MYLK3: variants seen among roughly 807,000 people sequenced by gnomAD.
MYLK3 encodes the protein myosin light chain kinase 3.
MYLK3 carries 55 observed loss-of-function variants against 76.3 expected under a neutral mutation model. The ratio of observed to expected loss-of-function variants is 0.72; its 90% CI spans 0.58 to 0.90. The LOEUF (loss-of-function observed/expected upper bound fraction) is 0.90, where lower values mean the gene tolerates loss of function less well. Ranked by LOEUF, MYLK3 falls within the 40% of genes least tolerant of loss-of-function variation. MYLK3 has a pLI of 0.00. For synonymous variants in MYLK3, 416 were observed against 425.4 expected (o/e 0.98, Z 0.27); for missense variants, 973 against 1,053.6 (o/e 0.92, Z 1.06).
Position 46,732,306 on chromosome 16 carries a change from T to C in MYLK3, c.1364A>G (p.Asn455Ser). The C allele has an allele frequency of 6.2e-7, 1 of 1,611,062 alleles. No homozygotes were observed. The highest frequency in any genetic ancestry group is 1.7e-5 in the Admixed American group (1 of 60,024). ...LQQGKSPGAG[N>S]PEPEQDCAAR... Reference sequence around the variant, plus strand: ...TGCACAGTCCTGCTCAGGCTCAGGGTTTCCCGCCCCTGGGCTTTTGCCCTG... The same window carrying C: ...TGCACAGTCCTGCTCAGGCTCAGGGCTTCCCGCCCCTGGGCTTTTGCCCTG... The change falls in exon 4 of 13, where the codon AAC (asparagine) becomes AGC (serine). Residue 455 changes from asparagine (N) to serine (S), a missense_variant. Around this residue, in one of 2 missense-constraint regions of MYLK3, gnomAD observed 641 missense variants for 637.0 expected, o/e 1.01. Coordinates refer to ENST00000394809, the MANE Select transcript of MYLK3 (RefSeq NM_182493.3).
intron 9 of MYLK3, among the ~76,000 whole-genome samples, chr16:46,718,361 T>C (rs1005591094): frequency 1.3e-5 from 2 of 152,214 alleles, no homozygotes; most frequent in Non-Finnish European, 2.9e-5. Flanking sequence ...TACAATACAC[T>C]GTGTGATAGA....
chr16:46,725,299 T>A (rs1238231735), intron 8 of MYLK3, among the ~76,000 whole-genome samples: 2 of 152,196 alleles, frequency 1.3e-5, no homozygotes, highest in African/African-American at 2.4e-5. Flanking sequence ...GCCCTAGTGA[T>A]AGCCTCCAGT....
rs201903569 is a variant in MYLK3, at chr16:46,748,091, T to C, written c.103A>G (p.Lys35Glu). Residue 35 changes from lysine to glutamate, a missense_variant, in exon 1 of 13, where the codon AAG becomes GAG. Lys to Glu is a moderately conservative substitution (Grantham distance 56). Around this residue, in one of 2 missense-constraint regions of MYLK3, gnomAD observed 641 missense variants for 637.0 expected, o/e 1.01. Coordinates refer to ENST00000394809, the MANE Select transcript of MYLK3 (RefSeq NM_182493.3). The surrounding 1 kb of genome is among the most constrained non-coding windows in gnomAD (Gnocchi z 4.3). ...TGGAAGTGCAGGAGCTGGTCCACCT[T>C]CTCGTTCAGCATGTTCAGCTTTGTG... Reference protein sequence around the residue: ...MDTKLNMLNEKVDQLLHFQED... With the variant: ...MDTKLNMLNEEVDQLLHFQED... 4.2e-4 allele frequency: 684 copies of C among 1,614,112 alleles called. No homozygotes were observed. Among genetic ancestry groups the C allele is most frequent in the Non-Finnish European group, 5.7e-4 (667 of 1,180,034 alleles).
intron 9 of MYLK3, among the ~76,000 whole-genome samples, chr16:46,719,056 G>A (rs1426196231): frequency 2.6e-5 from 4 of 152,096 alleles, no homozygotes; most frequent in Non-Finnish European, 4.4e-5. Context: ...TCGGCCTGCC[G>A]TGGTGGCTCA....
intron 1 of MYLK3, among the ~76,000 whole-genome samples, chr16:46,761,329 C>T (rs1179565307): frequency 6.6e-6 from 1 of 151,958 alleles, no homozygotes; most frequent in African/African-American, 2.4e-5. Context: ...AGCAGCAAGA[C>T]AGAGGGACAG....
At chr16:46,711,183 C>A (rs1447481911) in intron 10 of MYLK3, among the ~76,000 whole-genome samples, 2 of 152,144 alleles carry the variant, frequency 1.3e-5, no homozygotes, top group Non-Finnish European at 2.9e-5. Flanking sequence ...ACCCAGGCCC[C>A]AAGCCAAAGG....
At chr16:46,761,126 G>A (rs777667601) in intron 1 of MYLK3, among the ~76,000 whole-genome samples, 2 of 152,142 alleles carry the variant, frequency 1.3e-5, no homozygotes, top group Non-Finnish European at 2.9e-5. Flanking sequence ...CTTGAATGAT[G>A]GGCAAGACTT....
chr16:46,756,854 C>A (rs569499091), intron 1 of MYLK3, among the ~76,000 whole-genome samples: 1 of 152,274 alleles, frequency 6.6e-6, no homozygotes, highest in South Asian at 2.1e-4. Context: ...GGTAAGTCCA[C>A]GAAAATGGCA....
intron 5 of MYLK3, chr16:46,729,910 C>G: frequency 1.7e-6 from 1 of 596,412 alleles, no homozygotes; most frequent in Non-Finnish European, 3.0e-6. Context: ...AGGGAACATC[C>G]CCTCATCCCT....
intron 3 of MYLK3, among the ~76,000 whole-genome samples, chr16:46,736,917 A>G (rs1966871083): frequency 6.6e-6 from 1 of 152,146 alleles, no homozygotes; most frequent in Non-Finnish European, 1.5e-5. Flanking sequence ...TGCTACAGAC[A>G]TCTGCCTGCC....
At chr16:46,760,192 C>T (rs1304197582) in intron 1 of MYLK3, among the ~76,000 whole-genome samples, 1 of 152,194 alleles carries the variant, frequency 6.6e-6, no homozygotes, top group African/African-American at 2.4e-5. Flanking sequence ...GGAGAGTCCG[C>T]ACGAAGCTGG....
In MYLK3 at chr16:46,737,947, G is replaced by C; in HGVS notation, c.765C>G (p.Ser255Arg). Residue 255 changes from serine (S) to arginine (R), a missense_variant, in exon 3 of 13, where the codon AGC becomes AGG. Physicochemically the swap from Ser to Arg is moderately radical, Grantham distance 110 (BLOSUM62 -1). Coordinates refer to ENST00000394809, the MANE Select transcript of MYLK3 (RefSeq NM_182493.3). ...ATTCCAGGCCAGTCCTGAGGTTCTC[G>C]CTGGGTGTCTCAGGAGCCTTGGCTT... ...KVEAKAPETPSENLRTGLELA... is the reference protein window; with the variant it reads ...KVEAKAPETPRENLRTGLELA... 1.9e-6 allele frequency: 3 copies of C among 1,614,168 alleles called. No individual in the cohort carries two copies. The highest frequency in any genetic ancestry group is 2.5e-6 in the Non-Finnish European group (3 of 1,180,032).
chr16:46,750,228 A>G (rs1197474362), upstream of MYLK3, among the ~76,000 whole-genome samples: 1 of 152,184 alleles, frequency 6.6e-6, no homozygotes, highest in East Asian at 1.9e-4. Context: ...AAGTCTCAGA[A>G]GTCTAACACA....
chr16:46,729,620 T>C lies in MYLK3; in HGVS notation c.1636A>G (p.Ile546Val), dbSNP rs1966848494. The change falls in exon 6 of 13, where the codon ATC becomes GTC. Residue 546 changes from isoleucine to valine, a missense_variant. This residue lies in a region of MYLK3 where 332 missense variants were observed against 416.6 expected (regional missense o/e 0.80). Coordinates refer to ENST00000394809, the MANE Select transcript of MYLK3 (RefSeq NM_182493.3). The stretch of plus-strand genomic sequence containing the variant: ...CGGTCCTTGGCGCTCTTCACTTTGA[T>C]GATCTTGGCAGCCAGTGGGAGGCCT... ...STGLPLAAKI[I>V]KVKSAKDRED... 6.2e-7 allele frequency: 1 copy of C among 1,613,388 alleles called. No homozygotes were observed. Among genetic ancestry groups the C allele is most frequent in the African/African-American group, 1.3e-5 (1 of 74,840 alleles).
intron 3 of MYLK3, among the ~76,000 whole-genome samples, chr16:46,736,308 G>A (rs992838794): frequency 8.5e-5 from 13 of 152,132 alleles, no homozygotes; most frequent in African/African-American, 1.9e-4. Context: ...CACAGTGCCC[G>A]GCAGGATCCT....
In MYLK3 at chr16:46,732,395, G is replaced by T. The variant is rs1966854280; in HGVS notation, c.1275C>A (p.Gly425=). 6.2e-7 allele frequency: 1 copy of T among 1,613,582 alleles called. No homozygotes were observed. The highest frequency in any genetic ancestry group is 8.5e-7 in the Non-Finnish European group (1 of 1,180,010). ...CACTCCTGGCCAAGCTTGGTCTCGT[G>T]CCAGGCTCGGCCCCAGCCCTTTGCT... ...EEEQRAGAEP[G]TRPSLARSDD... is the part of the protein sequence containing the mutation. Residue 425 remains glycine, a synonymous_variant, in exon 4 of 13, where the codon GGC becomes GGA. Coordinates refer to ENST00000394809, the MANE Select transcript of MYLK3 (RefSeq NM_182493.3).
At chr16:46,739,994 G>T in intron 2 of MYLK3, 63 bp downstream of exon 2, 1 of 1,171,464 alleles carries the variant, frequency 8.5e-7, no homozygotes, top group Non-Finnish European at 1.3e-6. Context: ...CGTGTTGTTG[G>T]GGCCTTTATT....
chr16:46,732,639 G>C lies in MYLK3; in HGVS notation c.1031C>G (p.Thr344Ser). 1 of 1,546,492 alleles carries C rather than the reference G, an allele frequency of 6.5e-7. No homozygotes were observed. The highest frequency in any genetic ancestry group is 8.7e-7 in the Non-Finnish European group (1 of 1,153,186). ...RISIHIQEMD[T>S]PGEMLMTGRG... ...GCCTGTCATCAGCATCTCCCCAGGA[G>C]TATCCATCTCTTGTATGTGGATGGA... is the stretch of plus-strand genomic sequence containing the variant. Residue 344 changes from threonine (T) to serine (S), a missense_variant, in exon 4 of 13, where the codon ACT (threonine) becomes AGT (serine). Thr to Ser is a moderately conservative substitution (Grantham distance 58, BLOSUM62 1). Coordinates refer to ENST00000394809, the MANE Select transcript of MYLK3 (RefSeq NM_182493.3).
At chr16:46,708,360 A>T (rs989953241) in intron 12 of MYLK3, among the ~76,000 whole-genome samples, 1 of 152,208 alleles carries the variant, frequency 6.6e-6, no homozygotes, top group Non-Finnish European at 1.5e-5. Flanking sequence ...ATGAAATCAA[A>T]TTGGTGGGTT....
Sources: gnomAD v4.1 joint callset for allele counts (sites outside exome capture counted in the v4.1 genomes callset) on GRCh38, gnomAD v4.1.1 for gene constraint, gnomAD v4.1.1 regional missense constraint, Gnocchi (gnomAD v3.1) non-coding constraint, MANE v1.5 for transcripts, NCBI Gene and HGNC (gene_info 2026-07-23, HGNC 2026-07-21) for gene names.